The following NDEL1 variants were observed in gnomAD, a reference collection of about 807,000 sequenced individuals.
NDEL1 encodes the protein nuclear distribution protein nudE-like 1.
Under a neutral mutation model 45.7 loss-of-function variants are expected in NDEL1, and 9 were observed. That is an observed-to-expected ratio of 0.20 (90% CI 0.12 to 0.34). The LOEUF (loss-of-function observed/expected upper bound fraction) is 0.34, where lower values mean the gene tolerates loss of function less well. NDEL1 is among the 10% of genes least tolerant of loss of function. The pLI is 1.00. For missense variants in NDEL1, 306 were observed against 406.2 expected, an observed-to-expected ratio of 0.75 and a Z score of 2.12; for synonymous variants, 133 against 158.6, an observed-to-expected ratio of 0.84 and a Z score of 1.21.
intron 3 of NDEL1, among the ~76,000 whole-genome samples, chr17:8,473,313 A>G (rs533135119): frequency 6.6e-5 from 10 of 151,978 alleles, no homozygotes; most frequent in South Asian, 2.1e-4. Context: ...CAGCCCCCCA[A>G]GTAGCTGGGA....
intron 2 of NDEL1, 92 bp from the exon 3 acceptor site, chr17:8,445,619 A>G: frequency 2.2e-6 from 3 of 1,383,158 alleles, no homozygotes; most frequent in Non-Finnish European, 2.9e-6. Flanking sequence ...TTAGCATTCA[A>G]GCAAAAATTA....
intron 1 of NDEL1, among the ~76,000 whole-genome samples, chr17:8,422,364 A>G (rs186919316): frequency 2.6e-5 from 4 of 152,052 alleles, no homozygotes; most frequent in African/African-American, 9.6e-5. Context: ...GCTGGAGTGC[A>G]GTGGTGCGAT....
At chr17:8,463,642 A>G (rs1287981001) in intron 8 of NDEL1, among the ~76,000 whole-genome samples, 3 of 152,210 alleles carry the variant, frequency 2.0e-5, no homozygotes, top group Non-Finnish European at 4.4e-5. Context: ...TGTTGATTTC[A>G]GAGTCTGGCG....
intron 1 of NDEL1, among the ~76,000 whole-genome samples, chr17:8,423,857 T>C (rs1908759938): frequency 6.6e-6 from 1 of 152,218 alleles, no homozygotes; most frequent in African/African-American, 2.4e-5. Flanking sequence ...CTCAGGTCAC[T>C]CTTGTATCTA....
In NDEL1 at chr17:8,456,557, G is replaced by C. The variant is rs571741424; in HGVS notation, c.792+1670G>C. 2.7e-5 allele frequency among the ~76,000 whole-genome samples: 4 copies of C among 146,508 alleles called. No individual in the cohort carries two copies. In the East Asian group the frequency reaches 6.1e-4, roughly 22 times the overall value. On this transcript the variant is annotated intron_variant, in intron 7 of 8. Coordinates refer to ENST00000334527, the MANE Select transcript of NDEL1 (RefSeq NM_030808.5). ...TTTGTTGCCAAGGCTGGAGTGCAGC[G>C]GCACGATCTCAGCTCACTGCAACCT...
chr17:8,464,149 T>C (rs1211284875), intron 8 of NDEL1: 2 of 152,312 alleles, frequency 1.3e-5, no homozygotes, highest in African/African-American at 4.8e-5. Flanking sequence ...ACTGACATTT[T>C]ACAACTGACC....
chr17:8,460,875 C>T (rs1911152889), intron 8 of NDEL1, among the ~76,000 whole-genome samples: 1 of 152,202 alleles, frequency 6.6e-6, no homozygotes, highest in Non-Finnish European at 1.5e-5. Flanking sequence ...GTGTGCCTAT[C>T]ATGACTTCTA....
At chr17:8,427,163 T>C (rs1014783959) in intron 1 of NDEL1, among the ~76,000 whole-genome samples, 5 of 152,086 alleles carry the variant, frequency 3.3e-5, no homozygotes, top group African/African-American at 9.7e-5. Flanking sequence ...AGTTTGAAAG[T>C]GTGGGGATAA....
At chr17:8,433,782 C>CT (rs1332513819), upstream of NDEL1, among the ~76,000 whole-genome samples, 3 of 152,048 alleles carry the variant, frequency 2.0e-5, no homozygotes, top group Non-Finnish European at 4.4e-5. Context: ...TCCCAGAGTG[C>CT]TGGGATTACA....
At chr17:8,416,039 G>C (rs773226190) in intron 1 of NDEL1, among the ~76,000 whole-genome samples, 1 of 152,104 alleles carries the variant, frequency 6.6e-6, no homozygotes. Flanking sequence ...GAGCCACCGC[G>C]CCTGGCCCAT....
At chr17:8,442,819 T>G (rs1909837491) in intron 1 of NDEL1, among the ~76,000 whole-genome samples, 1 of 134,526 alleles carries the variant, frequency 7.4e-6, no homozygotes, top group South Asian at 2.5e-4. Flanking sequence ...AGACGGAGTC[T>G]CGCTCTGTCC....
upstream of NDEL1, among the ~76,000 whole-genome samples, chr17:8,433,054 G>C (rs978950543): frequency 5.9e-5 from 9 of 151,852 alleles, no homozygotes; most frequent in Non-Finnish European, 1.3e-4. Flanking sequence ...TTTGTCTTCA[G>C]GATTGTACTG....
downstream of NDEL1, among the ~76,000 whole-genome samples, chr17:8,469,383 C>T (rs902950824): frequency 1.1e-4 from 16 of 152,324 alleles, no homozygotes; most frequent in African/African-American, 2.6e-4. Flanking sequence ...GAATCTTCAT[C>T]CCTGGCTCCC....
chr17:8,459,615 G>C (rs1191964139), intron 7 of NDEL1, among the ~76,000 whole-genome samples: 2 of 151,962 alleles, frequency 1.3e-5, no homozygotes, highest in African/African-American at 4.8e-5. Flanking sequence ...GATATTTTTG[G>C]GTTTTTTAAT....
chr17:8,459,565 C>G (rs1013298899), intron 7 of NDEL1, among the ~76,000 whole-genome samples: 1 of 151,978 alleles, frequency 6.6e-6, no homozygotes, highest in Non-Finnish European at 1.5e-5. Flanking sequence ...AATGAAGAAC[C>G]TAGAGAAAGA....
chr17:8,454,860 C>T lies in NDEL1; in HGVS notation c.765C>T (p.Ile255=), dbSNP rs373742843. 121 of 1,613,520 alleles carry T rather than the reference C, an allele frequency of 7.5e-5. No individual in the cohort carries two copies. Among genetic ancestry groups the T allele is most frequent in the Non-Finnish European group, 9.6e-5 (113 of 1,179,784 alleles). The part of the protein sequence containing the change: ...TPSARISALN[I]VGDLLRKVGA... ...CTGCTAGGATATCAGCACTAAACAT[C>T]GTGGGGGATCTCTTACGGAAAGTAG... Residue 255 remains isoleucine, a synonymous_variant, in exon 7 of 9, where the codon ATC becomes ATT. Transcript: ENST00000334527.
chr17:8,418,268 G>A (rs999198105), intron 1 of NDEL1, among the ~76,000 whole-genome samples: 1 of 152,156 alleles, frequency 6.6e-6, no homozygotes, highest in Admixed American at 6.5e-5. Context: ...TCAAGAGGAA[G>A]TGAAGATACA....
chr17:8,458,127 T>C (rs1910966015), intron 7 of NDEL1, among the ~76,000 whole-genome samples: 1 of 152,104 alleles, frequency 6.6e-6, no homozygotes, highest in Non-Finnish European at 1.5e-5. Context: ...ATCCTGTGGA[T>C]GCCGTTCTGT....
chr17:8,444,404 C>T (rs1459559918), intron 2 of NDEL1, 47 bp downstream of exon 2: 4 of 1,229,652 alleles, frequency 3.3e-6, no homozygotes, highest in South Asian at 2.5e-5. Flanking sequence ...ATTTGGAATA[C>T]ACCGTGTCTT....
Sources: allele counts gnomAD v4.1 joint callset (sites outside exome capture counted in the v4.1 genomes callset), GRCh38; gene constraint gnomAD v4.1.1; transcripts MANE v1.5; gene names NCBI Gene and HGNC (gene_info 2026-07-23, HGNC 2026-07-21).